Variants in USP24 observed in about 807,000 individuals in gnomAD.
USP24 encodes the protein ubiquitin carboxyl-terminal hydrolase 24.
Under a neutral mutation model 361.6 loss-of-function variants are expected in USP24, and 97 were observed. That is an observed-to-expected ratio of 0.27 (90% CI 0.23 to 0.32). USP24 has a LOEUF of 0.32. Ranked by LOEUF, USP24 falls within the 10% of genes least tolerant of loss-of-function variation. USP24 has a pLI of 1.00. For synonymous variants in USP24, 1,098 were observed against 1,124.6 expected (o/e 0.98, Z 0.47); for missense variants, 2,353 against 3,165.6 (o/e 0.74, Z 6.16).
chr1:55,182,703 C>A (rs1202540917), intron 1 of USP24, among the ~76,000 whole-genome samples: 1 of 151,914 alleles, frequency 6.6e-6, no homozygotes, highest in Non-Finnish European at 1.5e-5. Context: ...TGAGAAAACC[C>A]GAAATGAAAA....
rs1207158472 is a variant in USP24, at chr1:55,069,121, A to G, written c.7801-14T>C. 6.2e-7 allele frequency: 1 copy of G among 1,613,934 alleles called. No individual in the cohort carries two copies. Among genetic ancestry groups the G allele is most frequent in the East Asian group, 2.2e-5 (1 of 44,886 alleles). ...AGATTCTGAACCCTGCAGAAAAGAA[A>G]AGGAAGTTAAAGTTCATACGGTTAG... On this transcript the variant is annotated splice_polypyrimidine_tract_variant and intron_variant, in intron 67 of 67. Coordinates refer to ENST00000294383, the MANE Select transcript of USP24 (RefSeq NM_015306.3).
chr1:55,083,221 C>T (rs996272604), intron 58 of USP24, 51 bp downstream of exon 58: 8 of 1,541,238 alleles, frequency 5.2e-6, no homozygotes, highest in African/African-American at 4.1e-5. Context: ...AGAAACACAG[C>T]GGCTATGAAA....
chr1:55,167,698 AG>A (rs1213419559), intron 5 of USP24, among the ~76,000 whole-genome samples: 1 of 152,152 alleles, frequency 6.6e-6, no homozygotes, highest in East Asian at 1.9e-4. Context: ...GCGCCGAGAG[AG>A]GTCAAATGGA....
chr1:55,165,898 T>C lies in USP24; in HGVS notation c.914A>G (p.Asp305Gly). ...AAIQAKLHSE[D>G]IELGAVSALI... ...AGTTTAACTTACCCCAAGTTCTATA[T>C]CTTCTGAATGGAGCTTGGCTTGGAT... Residue 305 changes from aspartate (D) to glycine (G), a missense_variant, in exon 7 of 68, where the codon GAT becomes GGT. Asp to Gly is a moderately conservative substitution (Grantham distance 94). Around this residue, in one of 8 missense-constraint regions of USP24, gnomAD observed 386 missense variants for 560.5 expected, o/e 0.69. Coordinates refer to ENST00000294383, the MANE Select transcript of USP24 (RefSeq NM_015306.3). The C allele has an allele frequency of 2.5e-6, 4 of 1,605,948 alleles. No individual in the cohort carries two copies. The highest frequency in any genetic ancestry group is 3.4e-6 in the Non-Finnish European group (4 of 1,175,326).
At chr1:55,125,899 T>TA in intron 32 of USP24, 141 bp from the exon 33 acceptor site, 1 of 688,018 alleles carries the variant, frequency 1.5e-6, no homozygotes, top group East Asian at 2.7e-5. Flanking sequence ...TACATATATC[T>TA]ATCATAATAA....
At position 55,153,901 on chromosome 1, in the gene USP24, C is replaced by A; in HGVS notation, c.1829G>T (p.Gly610Val). 6.4e-7 allele frequency: 1 copy of A among 1,550,794 alleles called. No individual in the cohort carries two copies. The highest frequency in any genetic ancestry group is 8.7e-7 in the Non-Finnish European group (1 of 1,146,566). Residue 610 changes from glycine to valine, a missense_variant, in exon 16 of 68, where the codon GGT becomes GTT. Coordinates refer to ENST00000294383, the MANE Select transcript of USP24 (RefSeq NM_015306.3). ...EDIKRPGEWS[G>V]LEKNKKDGFK... The stretch of plus-strand genomic sequence containing the variant: ...TCCATCCTTCTTGTTTTTTTCCAAA[C>A]CTGACCATTCTCCAGGCTGAAAATT...
intron 1 of USP24, among the ~76,000 whole-genome samples, chr1:55,185,782 T>C (rs1456229802): frequency 6.6e-6 from 1 of 152,024 alleles, no homozygotes; most frequent in East Asian, 1.9e-4. Context: ...TTGTCCAGCC[T>C]GTTCTCACAC....
At chr1:55,122,511 TA>T (rs1162575338) in intron 36 of USP24, among the ~76,000 whole-genome samples, 4 of 152,140 alleles carry the variant, frequency 2.6e-5, no homozygotes, top group Non-Finnish European at 4.4e-5. Context: ...ACTTAAAATT[TA>T]GAAGGTCCAC....
chr1:55,211,585 T>G (rs1454695863), intron 1 of USP24, among the ~76,000 whole-genome samples: 3 of 152,186 alleles, frequency 2.0e-5, no homozygotes, highest in Non-Finnish European at 4.4e-5. Context: ...AAACCCTAAT[T>G]ACAGCAGGGC....
At position 55,088,255 on chromosome 1, in the gene USP24, C is replaced by T. The variant is rs144470665; in HGVS notation, c.6668+1372G>A. 1.6e-4 allele frequency among the ~76,000 whole-genome samples: 25 copies of T among 152,270 alleles called. 1 individual carries two copies. The East Asian group carries it at 4.8e-3, about 29-fold the overall frequency. On this transcript the variant is annotated intron_variant, in intron 55 of 67. Coordinates refer to ENST00000294383, the MANE Select transcript of USP24 (RefSeq NM_015306.3). ...GCTCAGACCTAGAGAGGAAGAGGAT[C>T]AGGGATCAGCAGTTCTGAAAAGATC...
intron 53 of USP24, among the ~76,000 whole-genome samples, chr1:55,092,365 A>T (rs1271881998): frequency 6.6e-6 from 1 of 152,254 alleles, no homozygotes; most frequent in Admixed American, 6.5e-5. Flanking sequence ...CTCTCAAAAC[A>T]GTTGTTAGAC....
At chr1:55,162,877 G>C (rs560993069) in intron 7 of USP24, among the ~76,000 whole-genome samples, 1 of 152,084 alleles carries the variant, frequency 6.6e-6, no homozygotes, top group East Asian at 1.9e-4. Flanking sequence ...ATGATACTGG[G>C]CAGAAGTGAC....
intron 38 of USP24, among the ~76,000 whole-genome samples, chr1:55,116,265 C>T (rs1426844035): frequency 6.6e-6 from 1 of 150,920 alleles, no homozygotes; most frequent in East Asian, 1.9e-4. Context: ...AAGAACAAAC[C>T]AAACTTAAAG....
chr1:55,141,832 G>A (rs1646897626), intron 23 of USP24, 101 bp from the exon 24 acceptor site: 9 of 1,016,434 alleles, frequency 8.9e-6, no homozygotes, highest in Admixed American at 2.0e-5. Flanking sequence ...GCTGTCCTGG[G>A]CATTCACTGT....
intron 2 of USP24, 32 bp downstream of exon 2, chr1:55,177,935 G>A (rs1295625157): frequency 6.5e-7 from 1 of 1,537,956 alleles, no homozygotes; most frequent in Non-Finnish European, 8.8e-7. Flanking sequence ...TGAAACAAAT[G>A]TCCTCATGTG....
chr1:55,100,543 G>A (rs988868981), intron 44 of USP24, among the ~76,000 whole-genome samples: 7 of 151,158 alleles, frequency 4.6e-5, no homozygotes, highest in Admixed American at 3.3e-4. Context: ...TAGTGAAATC[G>A]GCACAGGGTC....
At position 55,137,497 on chromosome 1, in the gene USP24, A is replaced by G; in HGVS notation, c.3201+18T>C. 2 of 1,603,038 alleles carry G rather than the reference A, an allele frequency of 1.2e-6. No homozygotes were observed. The highest frequency in any genetic ancestry group is 1.1e-5 in the South Asian group (1 of 88,958). On this transcript the variant is annotated intron_variant, in intron 28 of 67. Transcript: ENST00000294383. Reference sequence around the variant, plus strand: ...CTGTTAAGTTCTTGTTTTTAAATGGAAATTGATCACCCAGTACCTGCTCCA... The same window carrying G: ...CTGTTAAGTTCTTGTTTTTAAATGGGAATTGATCACCCAGTACCTGCTCCA...
chr1:55,151,368 C>T (rs573385633), intron 16 of USP24, among the ~76,000 whole-genome samples: 27 of 152,262 alleles, frequency 1.8e-4, no homozygotes, highest in Non-Finnish European at 3.1e-4. Context: ...AGTATCTGTA[C>T]TGAGGACATC....
Position 55,071,872 on chromosome 1 carries a change from C to T in USP24, c.7742G>A (p.Ser2581Asn). ...AGGACTACTCTCCGACCCATTACTG[C>T]TTCCTGATTGCTCTTTTTCATTCAA... ...ALLNEKEQSG[S>N]SNGSESSPAN... Residue 2581 changes from serine (S) to asparagine (N), a missense_variant, in exon 67 of 68, where the codon AGC becomes AAC. Ser to Asn is a conservative substitution (Grantham distance 46). Transcript: ENST00000294383. 6.2e-7 allele frequency: 1 copy of T among 1,613,456 alleles called. No homozygotes were observed.
Sources: allele counts gnomAD v4.1 joint callset (sites outside exome capture counted in the v4.1 genomes callset), GRCh38; gene constraint gnomAD v4.1.1; regional missense constraint gnomAD v4.1.1; transcripts MANE v1.5; gene names NCBI Gene and HGNC (gene_info 2026-07-23, HGNC 2026-07-21).